The following ERVH48-1 variants were observed in gnomAD, a reference collection of about 807,000 sequenced individuals.
The protein encoded by ERVH48-1 is suppressyn.
In ERVH48-1, 4 loss-of-function variants were observed where a neutral mutation model predicts 2.4. The ratio of observed to expected loss-of-function variants is 1.68; its 90% CI spans 0.83 to 3.84. The LOEUF (loss-of-function observed/expected upper bound fraction) is 3.84, where lower values mean the gene tolerates loss of function less well. Ranked by LOEUF, ERVH48-1 falls within the 30% of genes most tolerant of loss-of-function variation. The pLI is 0.01. For synonymous variants in ERVH48-1, 32 were observed against 15.5 expected (o/e 2.06, Z -2.49); for missense variants, 97 against 43.4 (o/e 2.23, Z -3.47).
rs2058794088 is a variant in ERVH48-1 at position 42,918,058 on chromosome 21, A to G, written c.*466T>C. 6.4e-6 allele frequency: 1 copy of G among 157,128 alleles called. No homozygotes were observed. Among genetic ancestry groups the G allele is most frequent in the Non-Finnish European group, 1.4e-5 (1 of 71,208 alleles). 9.7% of individuals were successfully genotyped at this position (157,128 alleles called of 1,614,324 possible). A position where few individuals can be genotyped will look rare whatever the true frequency, so the allele number is the denominator to read the frequency against. On this transcript the variant is annotated 3_prime_UTR_variant, in exon 2 of 2. Transcript: ENST00000447535. ...GCTGGTGTTCCTAGGATTGTCGCAT[A>G]GTACACTTAGGCGGAGGTATGCGGC...
At chr21:42,919,722 C>T (rs1376557428) in intron 1 of ERVH48-1, among the ~76,000 whole-genome samples, 2 of 151,988 alleles carry the variant, frequency 1.3e-5, no homozygotes, top group Non-Finnish European at 2.9e-5. Context: ...GTTATCGGAC[C>T]GGATGGATGT....
At chr21:42,919,690 T>C (rs986238668) in intron 1 of ERVH48-1, among the ~76,000 whole-genome samples, 8 of 152,142 alleles carry the variant, frequency 5.3e-5, no homozygotes, top group Admixed American at 2.0e-4. Flanking sequence ...CCTTGGGTGA[T>C]TTGGCTGATA....
At chr21:42,923,834 A>G (rs950699387) in intron 1 of ERVH48-1, among the ~76,000 whole-genome samples, 23 of 152,218 alleles carry the variant, frequency 1.5e-4, no homozygotes, top group African/African-American at 5.5e-4. Context: ...AGGATAACGT[A>G]GAGGTCATGC....
intron 1 of ERVH48-1, among the ~76,000 whole-genome samples, chr21:42,921,449 G>A (rs141179917): frequency 1.4e-3 from 220 of 152,166 alleles, no homozygotes; most frequent in Non-Finnish European, 7.5e-4. Context: ...AGGGATATGT[G>A]GTCTGTTATG....
intron 1 of ERVH48-1, among the ~76,000 whole-genome samples, chr21:42,919,541 C>T (rs760732925): frequency 2.0e-5 from 3 of 152,150 alleles, no homozygotes; most frequent in Admixed American, 6.5e-5. Context: ...GGAGACTTCT[C>T]GTACACGACT....
intron 1 of ERVH48-1, among the ~76,000 whole-genome samples, chr21:42,920,539 A>G (rs577181690): frequency 2.0e-5 from 3 of 152,292 alleles, no homozygotes; most frequent in African/African-American, 7.2e-5. Context: ...CGTGGAACAC[A>G]TAATGAGAAT....
At chr21:42,919,985 A>G (rs1040868656) in intron 1 of ERVH48-1, among the ~76,000 whole-genome samples, 3 of 152,132 alleles carry the variant, frequency 2.0e-5, no homozygotes, top group African/African-American at 7.2e-5. Context: ...TGAGTGGCAG[A>G]TAGAGCAGGA....
rs768487466 is a variant in ERVH48-1 at position 42,918,797 on chromosome 21, G to A, written c.210C>T (p.Ser70=). Residue 70 remains serine (S), a synonymous_variant, in exon 2 of 2, where the codon TCC becomes TCT. Coordinates refer to ENST00000447535, the MANE Select transcript of ERVH48-1 (RefSeq NM_001308491.2). ...ATTCCTCGATTAAGTTTCCATAACA[G>A]GATCTTTCTATATGAGTATGGTAAG... The part of the protein sequence containing the change: ...YFTYHTHIER[S]CYGNLIEECV... 2.2e-6 allele frequency: 1 copy of A among 456,668 alleles called. No homozygotes were observed. Among genetic ancestry groups the A allele is most frequent in the South Asian group, 1.5e-5 (1 of 64,566 alleles). The allele number at this position is 456,668 out of a possible 1,614,324, so 28.3% of individuals were successfully genotyped here. A position where few individuals can be genotyped will look rare whatever the true frequency, so the allele number is the denominator to read the frequency against.
At chr21:42,922,786 GA>G (rs1482401024) in intron 1 of ERVH48-1, among the ~76,000 whole-genome samples, 2 of 148,756 alleles carry the variant, frequency 1.3e-5, no homozygotes, top group Non-Finnish European at 3.0e-5. Flanking sequence ...GAAAAGGCAT[GA>G]AGGGAGCAGA....
At chr21:42,922,807 G>C (rs1482766340) in intron 1 of ERVH48-1, among the ~76,000 whole-genome samples, 9 of 151,862 alleles carry the variant, frequency 5.9e-5, no homozygotes, top group Non-Finnish European at 7.4e-5. Context: ...AAGGGTGGAG[G>C]GGGGCTCGGG....
rs2146176241 is a variant in ERVH48-1, at chr21:42,917,867, TATC to T, written c.*654_*656del. ...CCTCCAAGGATCATTTTTCTCTGGT[TATC>T]ATACACAGGGACTCTGAGGGTGTTG... On this transcript the variant is annotated 3_prime_UTR_variant, in exon 2 of 2. Transcript: ENST00000447535. 6.6e-6 allele frequency: 1 copy of T among 152,342 alleles called. No homozygotes were observed. Among genetic ancestry groups the T allele is most frequent in the East Asian group, 1.9e-4 (1 of 5,180 alleles). The allele number at this position is 152,342 out of a possible 1,614,324, so 9.4% of individuals were successfully genotyped here. A position where few individuals can be genotyped will look rare whatever the true frequency, so the allele number is the denominator to read the frequency against.
In ERVH48-1 at chr21:42,925,370, G is replaced by T. The variant is rs2058817773; in HGVS notation, c.-310C>A. 1 of 465,516 alleles carries T rather than the reference G, an allele frequency of 2.1e-6. No homozygotes were observed. The highest frequency in any genetic ancestry group is 3.9e-6 in the Non-Finnish European group (1 of 256,140). 28.8% of individuals were successfully genotyped at this position (465,516 alleles called of 1,614,324 possible). Reference sequence around the variant, plus strand: ...CCAGTAGGCGAGATCAGTGACCGATGTGCATGCACAGAGAGGCGACTAGAG... The same window carrying T: ...CCAGTAGGCGAGATCAGTGACCGATTTGCATGCACAGAGAGGCGACTAGAG... On this transcript the variant is annotated 5_prime_UTR_variant, in exon 1 of 2. Transcript: ENST00000447535.
chr21:42,923,054 G>A (rs2058811301), intron 1 of ERVH48-1, among the ~76,000 whole-genome samples: 1 of 152,242 alleles, frequency 6.6e-6, no homozygotes, highest in African/African-American at 2.4e-5. Flanking sequence ...GATCGAGTAG[G>A]TTTTGGCCGG....
intron 1 of ERVH48-1, 142 bp from the exon 2 acceptor site, chr21:42,919,433 G>GT (rs1490667142): frequency 6.3e-6 from 1 of 159,122 alleles, no homozygotes; most frequent in Non-Finnish European, 1.4e-5. Context: ...TCTGTTAAGG[G>GT]TGGAGGCTCT....
intron 1 of ERVH48-1, among the ~76,000 whole-genome samples, chr21:42,922,698 C>T (rs914742147): frequency 7.5e-5 from 11 of 146,062 alleles, no homozygotes; most frequent in Non-Finnish European, 1.6e-4. Flanking sequence ...GGAGATTGCG[C>T]CACTGCACTC....
At position 42,923,259 on chromosome 21, in the gene ERVH48-1, GGCCCCGTGGGCCTGCAGGGCCTCCC is replaced by G. The variant is rs2058812215; in HGVS notation, c.-286+2062_-286+2086del. Among the ~76,000 whole-genome samples, 3 of 152,330 alleles carry G rather than the reference GGCCCCGTGGGCCTGCAGGGCCTCCC, an allele frequency of 2.0e-5. No individual in the cohort carries two copies. In the South Asian group the frequency reaches 6.2e-4, roughly 32 times the overall value. ...CTAGGAGGCTCCCGTGTGGAGCTGC[GGCCCCGTGGGCCTGCAGGGCCTCCC>G]GATGGCGGAGGCAAGCATTCGAAAC... is the stretch of plus-strand genomic sequence containing the variant. On this transcript the variant is annotated intron_variant, in intron 1 of 1. Coordinates refer to ENST00000447535, the MANE Select transcript of ERVH48-1 (RefSeq NM_001308491.2).
In ERVH48-1 at chr21:42,918,040, T is replaced by C. The variant is rs925362140; in HGVS notation, c.*484A>G. ...AGTGGCAGTCCATTGTCAGCTGGTG[T>C]TCCTAGGATTGTCGCATAGTACACT... On this transcript the variant is annotated 3_prime_UTR_variant, in exon 2 of 2. Transcript: ENST00000447535. The C allele has an allele frequency of 6.5e-6, 1 of 153,506 alleles. No individual in the cohort carries two copies. Among genetic ancestry groups the C allele is most frequent in the South Asian group, 2.0e-4 (1 of 4,886 alleles). The allele number at this position is 153,506 out of a possible 1,614,324, so 9.5% of individuals were successfully genotyped here. A position where few individuals can be genotyped will look rare whatever the true frequency, so the allele number is the denominator to read the frequency against.
At chr21:42,920,200 C>CT (rs111283167) in intron 1 of ERVH48-1, among the ~76,000 whole-genome samples, 27,502 of 152,092 alleles carry the variant, frequency 0.18, 3,354 homozygotes, top group African/African-American at 0.35. Context: ...AGCGCACTTC[C>CT]TTGACATACC....
intron 1 of ERVH48-1, among the ~76,000 whole-genome samples, chr21:42,921,180 G>A (rs1042406162): frequency 1.7e-4 from 26 of 152,170 alleles, no homozygotes; most frequent in Admixed American, 1.5e-3. Flanking sequence ...CATGCCGTTC[G>A]TCAGGATAGA....
Sources: gnomAD v4.1 joint callset for allele counts (sites outside exome capture counted in the v4.1 genomes callset) on GRCh38, gnomAD v4.1.1 for gene constraint, MANE v1.5 for transcripts, NCBI Gene and HGNC (gene_info 2026-07-23, HGNC 2026-07-21) for gene names.